RHOBTB3: variants seen among roughly 807,000 people sequenced by gnomAD.
RHOBTB3 encodes Rho related BTB domain containing 3, also known as rho-related BTB domain-containing protein 3.
RHOBTB3 carries 47 observed loss-of-function variants against 67.2 expected under a neutral mutation model. That is an observed-to-expected ratio of 0.70 (90% CI 0.55 to 0.89). The LOEUF (loss-of-function observed/expected upper bound fraction) is 0.89. RHOBTB3 is among the 40% of genes least tolerant of loss of function. The pLI is 0.00. For missense variants in RHOBTB3, 631 were observed against 750.0 expected, an observed-to-expected ratio of 0.84 and a Z score of 1.85; for synonymous variants, 273 against 274.2, an observed-to-expected ratio of 1.00 and a Z score of 0.04.
At position 95,755,461 on chromosome 5, in the gene RHOBTB3, T is replaced by C. The variant is rs1561446480; in HGVS notation, c.748T>C (p.Cys250Arg). 6.2e-7 allele frequency: 1 copy of C among 1,613,386 alleles called. No homozygotes were observed. Among genetic ancestry groups the C allele is most frequent in the Admixed American group, 1.7e-5 (1 of 59,912 alleles). Reference protein sequence around the residue: ...YNSDLNNLLFCCQCVDVVFYN... With the variant: ...YNSDLNNLLFRCQCVDVVFYN... Reference sequence around the variant, plus strand: ...CTCTGACTTAAATAACTTGCTGTTCTGCTGCCAGTGTGTGGACGTGGTATT... The same window carrying C: ...CTCTGACTTAAATAACTTGCTGTTCCGCTGCCAGTGTGTGGACGTGGTATT... The change falls in exon 6 of 12, where the codon TGC (cysteine) becomes CGC (arginine). Residue 250 changes from cysteine (C) to arginine (R), a missense_variant. Coordinates refer to ENST00000379982, the MANE Select transcript of RHOBTB3 (RefSeq NM_014899.4).
intron 9 of RHOBTB3, chr5:95,781,582 G>T (rs1342430424): frequency 2.0e-5 from 3 of 152,284 alleles, no homozygotes; most frequent in Non-Finnish European, 4.4e-5. Flanking sequence ...GCCAGGTGCC[G>T]TAGCTCATGC....
chr5:95,780,864 C>G (rs1746028198), intron 9 of RHOBTB3, among the ~76,000 whole-genome samples: 1 of 152,158 alleles, frequency 6.6e-6, no homozygotes, highest in Non-Finnish European at 1.5e-5. Flanking sequence ...TTTCAATATT[C>G]TGAGACTTTT....
intron 9 of RHOBTB3, 131 bp downstream of exon 9, chr5:95,780,556 A>G (rs2112829897): frequency 1.3e-6 from 1 of 753,606 alleles, no homozygotes; most frequent in Non-Finnish European, 2.2e-6. Context: ...GTACTAAGCA[A>G]TTAGAGGTGG....
chr5:95,756,503 A>G (rs1055286039), intron 6 of RHOBTB3, among the ~76,000 whole-genome samples: 29 of 152,110 alleles, frequency 1.9e-4, no homozygotes, highest in Admixed American at 3.9e-4. Flanking sequence ...CTCTGCTTTT[A>G]TTTTATTTTT....
Position 95,750,492 on chromosome 5 carries a change from A to G in RHOBTB3, c.571-1747A>G, listed in dbSNP as rs1448387824. Among the ~76,000 whole-genome samples, 4 of 152,264 alleles carry G rather than the reference A, an allele frequency of 2.6e-5. 1 individual carries two copies. In the East Asian group the frequency reaches 7.7e-4, roughly 29 times the overall value. On this transcript the variant is annotated intron_variant, in intron 4 of 11. Coordinates refer to ENST00000379982, the MANE Select transcript of RHOBTB3 (RefSeq NM_014899.4). ...TCTTCAAGCATATGAACCATATTTT[A>G]GGTGCTCTATGGCTACATGTGGCTA... is the stretch of plus-strand genomic sequence containing the variant.
intron 1 of RHOBTB3, among the ~76,000 whole-genome samples, chr5:95,725,780 C>T (rs1385167421): frequency 6.6e-6 from 1 of 151,080 alleles, no homozygotes; most frequent in Non-Finnish European, 1.5e-5. Context: ...TGTGGTTGCT[C>T]TCATTGTAAT....
At chr5:95,756,978 C>G (rs1257456574) in intron 6 of RHOBTB3, among the ~76,000 whole-genome samples, 2 of 152,166 alleles carry the variant, frequency 1.3e-5, no homozygotes, top group East Asian at 3.8e-4. Context: ...GCTATTCACT[C>G]TTCGGTTTGA....
intron 1 of RHOBTB3, among the ~76,000 whole-genome samples, chr5:95,718,537 G>A (rs926988655): frequency 6.6e-6 from 1 of 152,200 alleles, no homozygotes; most frequent in Non-Finnish European, 1.5e-5. Context: ...ATCCAAGTTA[G>A]AGACAGGGGT....
At position 95,795,709 on chromosome 5, in the gene RHOBTB3, C is replaced by T. The variant is rs1445736457; in HGVS notation, c.*2535C>T. Reference sequence around the variant, plus strand: ...GAGAAATCAAATTAGTGTTTAAACCCATTTGCATATTGACTTGTCAGTACC... The same window carrying T: ...GAGAAATCAAATTAGTGTTTAAACCTATTTGCATATTGACTTGTCAGTACC... On this transcript the variant is annotated 3_prime_UTR_variant, in exon 12 of 12. Transcript: ENST00000379982. The T allele has an allele frequency of 1.3e-5, 2 of 152,160 alleles. No homozygotes were observed. The highest frequency in any genetic ancestry group is 4.8e-5 in the African/African-American group (2 of 41,434). The allele number at this position is 152,160 out of a possible 1,614,324, so 9.4% of individuals were successfully genotyped here.
intron 8 of RHOBTB3, among the ~76,000 whole-genome samples, chr5:95,779,369 G>A (rs746943016): frequency 2.6e-5 from 4 of 152,060 alleles, no homozygotes; most frequent in Admixed American, 6.5e-5. Context: ...GCTGATTCTC[G>A]GTAATAATCT....
chr5:95,765,167 C>T (rs562529906), intron 7 of RHOBTB3, among the ~76,000 whole-genome samples: 1 of 151,786 alleles, frequency 6.6e-6, no homozygotes, highest in Non-Finnish European at 1.5e-5. Flanking sequence ...AGATTCTCTC[C>T]CTCTCTCTCC....
In RHOBTB3 at chr5:95,780,241, G is replaced by A. The variant is rs371163122; in HGVS notation, c.1283-11G>A. ...CTCACTTGTTTCTTGTTTCCCTTTTGAACCTTTCAGGTACGACAGTGCCAG... is the reference window on the plus strand; with the variant it reads ...CTCACTTGTTTCTTGTTTCCCTTTTAAACCTTTCAGGTACGACAGTGCCAG... On this transcript the variant is annotated splice_polypyrimidine_tract_variant and intron_variant, in intron 8 of 11. Transcript: ENST00000379982. The A allele has an allele frequency of 3.7e-6, 6 of 1,611,198 alleles. No individual in the cohort carries two copies. Among genetic ancestry groups the A allele is most frequent in the Non-Finnish European group, 5.1e-6 (6 of 1,178,392 alleles).
intron 3 of RHOBTB3, among the ~76,000 whole-genome samples, chr5:95,742,391 T>C (rs1027281987): frequency 2.0e-5 from 3 of 152,202 alleles, no homozygotes; most frequent in Non-Finnish European, 2.9e-5. Flanking sequence ...TCCCCTGCCT[T>C]ATGTATCAGT....
rs12351 is a variant in RHOBTB3, at chr5:95,793,547, T to G, written c.*373T>G. ...AATCATGTCTGATTAATTGCTCTAT[T>G]AAAATAAGGGGCATTTAAAGACCCA... On this transcript the variant is annotated 3_prime_UTR_variant, in exon 12 of 12. Coordinates refer to ENST00000379982, the MANE Select transcript of RHOBTB3 (RefSeq NM_014899.4). 0.26 allele frequency: 42,666 copies of G among 164,636 alleles called. 5,805 individuals are homozygous for G. Among genetic ancestry groups the G allele is most frequent in the Non-Finnish European group, 0.3 (22,866 of 75,394 alleles). The allele number at this position is 164,636 out of a possible 1,614,324, so 10.2% of individuals were successfully genotyped here.
intron 8 of RHOBTB3, among the ~76,000 whole-genome samples, chr5:95,775,124 A>G (rs1027856840): frequency 3.3e-5 from 5 of 152,114 alleles, no homozygotes; most frequent in Admixed American, 6.5e-5. Flanking sequence ...GAATGGCACA[A>G]TCATAACTGT....
rs551621580 is a variant in RHOBTB3, at chr5:95,793,694, C to T, written c.*520C>T. On this transcript the variant is annotated 3_prime_UTR_variant, in exon 12 of 12. Coordinates refer to ENST00000379982, the MANE Select transcript of RHOBTB3 (RefSeq NM_014899.4). ...ATGCCACTTAGTTCTCAATTGATGA[C>T]AGTGTTTGAATCATCATAAAAAAAA... 12 of 209,080 alleles carry T rather than the reference C, an allele frequency of 5.7e-5. No individual in the cohort carries two copies. In the East Asian group the frequency reaches 9.9e-4, roughly 17 times the overall value. The allele number at this position is 209,080 out of a possible 1,614,324, so 13.0% of individuals were successfully genotyped here. A position where few individuals can be genotyped will look rare whatever the true frequency, so the allele number is the denominator to read the frequency against.
chr5:95,718,352 A>C, intron 1 of RHOBTB3, among the ~76,000 whole-genome samples: 1 of 152,354 alleles, frequency 6.6e-6, no homozygotes, highest in Admixed American at 6.5e-5. Context: ...GCACTATCAG[A>C]GGGATCAGCC....
chr5:95,776,871 C>T (rs1179641750), intron 8 of RHOBTB3, among the ~76,000 whole-genome samples: 2 of 152,208 alleles, frequency 1.3e-5, no homozygotes, highest in Non-Finnish European at 2.9e-5. Context: ...CTCCTCTTCA[C>T]CTGCAGTGGC....
At chr5:95,781,410 A>G (rs1217271551) in intron 9 of RHOBTB3, 1 of 152,278 alleles carries the variant, frequency 6.6e-6, no homozygotes, top group Non-Finnish European at 1.5e-5. Flanking sequence ...GTATTGAAAT[A>G]AGTTTTAAAC....
Sources: gnomAD v4.1 joint callset for allele counts (sites outside exome capture counted in the v4.1 genomes callset) on GRCh38, gnomAD v4.1.1 for gene constraint, MANE v1.5 for transcripts, NCBI Gene and HGNC (gene_info 2026-07-23, HGNC 2026-07-21) for gene names.